TYR: variants seen among roughly 807,000 people sequenced by gnomAD.
The protein encoded by TYR is tyrosinase.
TYR carries 58 observed loss-of-function variants against 51.5 expected under a neutral mutation model. The observed-to-expected ratio is 1.13, with a 90% CI of 0.91 to 1.40. TYR has a LOEUF of 1.40. TYR is among the 40% of genes most tolerant of loss of function. The pLI, the probability that TYR is intolerant of heterozygous loss-of-function variation, is 0.00. For missense variants in TYR, 732 were observed against 647.4 expected (o/e 1.13, Z -1.42); for synonymous variants, 263 against 235.2 (o/e 1.12, Z -1.08).
chr11:89,237,078 C>A (rs2135288423), intron 3 of TYR, among the ~76,000 whole-genome samples: 1 of 152,220 alleles, frequency 6.6e-6, no homozygotes, highest in South Asian at 2.1e-4. Flanking sequence ...GCCAACACAC[C>A]ACTGCTCTAA....
chr11:89,214,822 A>C (rs1943812126), intron 2 of TYR, among the ~76,000 whole-genome samples: 1 of 152,184 alleles, frequency 6.6e-6, no homozygotes, highest in Non-Finnish European at 1.5e-5. Flanking sequence ...AGAGGCAGTA[A>C]ATCATGTGAT....
intron 3 of TYR, among the ~76,000 whole-genome samples, chr11:89,246,462 C>CTTTT (rs1464899527): frequency 6.6e-6 from 1 of 152,058 alleles, no homozygotes; most frequent in Non-Finnish European, 1.5e-5. Context: ...ATATTCAATG[C>CTTTT]TTTTGTTCTT....
intron 2 of TYR, among the ~76,000 whole-genome samples, chr11:89,196,566 T>C (rs1372442788): frequency 6.6e-6 from 1 of 152,180 alleles, no homozygotes; most frequent in Non-Finnish European, 1.5e-5. Context: ...ACTACCTTCA[T>C]TGTAAAACTT....
intron 3 of TYR, among the ~76,000 whole-genome samples, chr11:89,271,542 C>T (rs1944588814): frequency 1.3e-5 from 2 of 151,784 alleles, no homozygotes; most frequent in Non-Finnish European, 2.9e-5. Flanking sequence ...TCTGGTAGGT[C>T]AGACCTCTGG....
At position 89,210,316 on chromosome 11, in the gene TYR, G is replaced by C. The variant is rs114364705; in HGVS notation, c.1037-17507G>C. 5.3e-3 allele frequency among the ~76,000 whole-genome samples: 813 copies of C among 152,252 alleles called. 2 individuals are homozygous for C. Among genetic ancestry groups the C allele is most frequent in the African/African-American group, 0.018 (738 of 41,548 alleles). On this transcript the variant is annotated intron_variant, in intron 2 of 4. Coordinates refer to ENST00000263321, the MANE Select transcript of TYR (RefSeq NM_000372.5). ...GAAAACCACAGTACGAGAACTTCATGAAACATATGCAAGCTTCAATAGCAG... is the reference window on the plus strand; with the variant it reads ...GAAAACCACAGTACGAGAACTTCATCAAACATATGCAAGCTTCAATAGCAG...
chr11:89,248,417 T>C (rs1444557582), intron 3 of TYR, among the ~76,000 whole-genome samples: 1 of 152,140 alleles, frequency 6.6e-6, no homozygotes, highest in African/African-American at 2.4e-5. Context: ...AAATGACCTG[T>C]AATTTGACAC....
chr11:89,267,869 T>G (rs1437149583), intron 3 of TYR, among the ~76,000 whole-genome samples: 1 of 151,980 alleles, frequency 6.6e-6, no homozygotes, highest in East Asian at 1.9e-4. Flanking sequence ...TCCTGGAAAG[T>G]GCCAAGTACA....
intron 3 of TYR, among the ~76,000 whole-genome samples, chr11:89,232,718 A>T: frequency 7.0e-6 from 1 of 143,810 alleles, no homozygotes; most frequent in East Asian, 2.0e-4. Context: ...AGTTGAAAAA[A>T]AAAATTAAAA....
chr11:89,265,322 G>A (rs1030869227), intron 3 of TYR, among the ~76,000 whole-genome samples: 1 of 151,976 alleles, frequency 6.6e-6, no homozygotes, highest in African/African-American at 2.4e-5. Context: ...TTTGTCAGAC[G>A]GGCCCAAAGA....
At chr11:89,180,440 C>G (rs1043101048) in intron 1 of TYR, among the ~76,000 whole-genome samples, 3 of 151,868 alleles carry the variant, frequency 2.0e-5, no homozygotes, top group Admixed American at 6.6e-5. Context: ...TGTGTAATAC[C>G]AGATGCTATC....
chr11:89,222,603 C>T (rs1332327840), intron 2 of TYR, among the ~76,000 whole-genome samples: 1 of 151,950 alleles, frequency 6.6e-6, no homozygotes, highest in Non-Finnish European at 1.5e-5. Flanking sequence ...GCCAGGCATG[C>T]TGGCTTGTGC....
chr11:89,209,874 CCTGT>C (rs1943728920), intron 2 of TYR, among the ~76,000 whole-genome samples: 1 of 152,154 alleles, frequency 6.6e-6, no homozygotes, highest in Non-Finnish European at 1.5e-5. Context: ...AGCTCAGGGG[CCTGT>C]CTGTTACAAG....
intron 1 of TYR, among the ~76,000 whole-genome samples, chr11:89,185,042 G>T (rs1943351919): frequency 6.6e-6 from 1 of 152,116 alleles, no homozygotes; most frequent in African/African-American, 2.4e-5. Context: ...TTTCAAATGT[G>T]ATGCAAACAG....
Position 89,177,892 on chromosome 11 carries a change from A to G in TYR, c.-62A>G. On this transcript the variant is annotated 5_prime_UTR_variant, in exon 1 of 5. Coordinates refer to ENST00000263321, the MANE Select transcript of TYR (RefSeq NM_000372.5). ...TGATAATCACTGTAGTAGTAGCTGG[A>G]AAGAGAAATCTGTGACTCCAATTAG... is the stretch of plus-strand genomic sequence containing the variant. The G allele has an allele frequency of 1.3e-6, 2 of 1,545,670 alleles. No individual in the cohort carries two copies. Among genetic ancestry groups the G allele is most frequent in the Non-Finnish European group, 1.8e-6 (2 of 1,121,790 alleles).
intron 1 of TYR, among the ~76,000 whole-genome samples, chr11:89,188,724 T>C (rs1943406798): frequency 6.7e-6 from 1 of 150,300 alleles, no homozygotes; most frequent in Admixed American, 6.6e-5. Flanking sequence ...GTAGATTTCA[T>C]TAAGATAATG....
Position 89,211,679 on chromosome 11 carries a change from A to G in TYR, c.1037-16144A>G, listed in dbSNP as rs1943758111. Among the ~76,000 whole-genome samples, 3 of 151,924 alleles carry G rather than the reference A, an allele frequency of 2.0e-5. No homozygotes were observed. In the South Asian group the frequency reaches 6.2e-4, roughly 32 times the overall value. Reference sequence around the variant, plus strand: ...TCTCGGCACCACATCACACTGTAAAATTGACCACATAATTGGAAGTAAAAC... The same window carrying G: ...TCTCGGCACCACATCACACTGTAAAGTTGACCACATAATTGGAAGTAAAAC... On this transcript the variant is annotated intron_variant, in intron 2 of 4. Coordinates refer to ENST00000263321, the MANE Select transcript of TYR (RefSeq NM_000372.5).
chr11:89,290,774 C>T (rs747264093), intron 4 of TYR, among the ~76,000 whole-genome samples: 3 of 152,016 alleles, frequency 2.0e-5, no homozygotes, highest in Non-Finnish European at 4.4e-5. Context: ...ATAGCCATGA[C>T]TTGCTGCAAG....
chr11:89,244,434 A>G (rs1316636871), intron 3 of TYR, among the ~76,000 whole-genome samples: 1 of 152,112 alleles, frequency 6.6e-6, no homozygotes, highest in African/African-American at 2.4e-5. Flanking sequence ...CCATGTATTC[A>G]ATGGCTCCTC....
At chr11:89,264,819 GT>G (rs536567460) in intron 3 of TYR, among the ~76,000 whole-genome samples, 14 of 150,728 alleles carry the variant, frequency 9.3e-5, no homozygotes, top group Non-Finnish European at 1.5e-4. Flanking sequence ...CCTAATATTT[GT>G]GAAGTGTCTA....
Sources: gnomAD v4.1 joint callset for allele counts (sites outside exome capture counted in the v4.1 genomes callset) on GRCh38, gnomAD v4.1.1 for gene constraint, MANE v1.5 for transcripts, NCBI Gene and HGNC (gene_info 2026-07-23, HGNC 2026-07-21) for gene names.